Variants in PARP15 observed in about 807,000 individuals in gnomAD.
The protein encoded by PARP15 is poly(ADP-ribose) polymerase family member 15.
PARP15 carries 50 observed loss-of-function variants against 62.1 expected under a neutral mutation model. The ratio of observed to expected loss-of-function variants is 0.81; its 90% CI spans 0.64 to 1.02. PARP15 has a LOEUF of 1.02. Ranked by LOEUF, PARP15 falls within the 50% of genes least tolerant of loss-of-function variation. The probability of loss-of-function intolerance (pLI) is 0.00; values close to 1 mark genes in which losing one functional copy is unlikely to be tolerated. For synonymous variants in PARP15, 309 were observed against 293.1 expected, an observed-to-expected ratio of 1.05 and a Z score of -0.55; for missense variants, 820 against 826.5, an observed-to-expected ratio of 0.99 and a Z score of 0.10.
In PARP15 at chr3:122,627,024, A is replaced by G; in HGVS notation, c.1429A>G (p.Met477Val). Residue 477 changes from methionine (M) to valine (V), a missense_variant, in exon 9 of 12, where the codon ATG becomes GTG. Transcript: ENST00000464300. ...ACTGAACTTTCAGTCCACATTCTCC[A>G]TGACTACATGTAAGATGTTCACTTT... ...ASLNFQSTFS[M>V]TTCNLPEHWT... 6.2e-7 allele frequency: 1 copy of G among 1,608,186 alleles called. No homozygotes were observed. The highest frequency in any genetic ancestry group is 8.5e-7 in the Non-Finnish European group (1 of 1,175,838).
At chr3:122,585,721 G>C (rs1249256132) in intron 1 of PARP15, among the ~76,000 whole-genome samples, 1 of 152,128 alleles carries the variant, frequency 6.6e-6, no homozygotes, top group Non-Finnish European at 1.5e-5. Flanking sequence ...TCACCCTTTC[G>C]TCAATCATCT....
chr3:122,584,145 T>C (rs965765463), intron 1 of PARP15, among the ~76,000 whole-genome samples: 17 of 152,332 alleles, frequency 1.1e-4, no homozygotes, highest in East Asian at 9.6e-4. Flanking sequence ...AAAAATATTT[T>C]AGATATCTTT....
chr3:122,635,157 T>G lies in PARP15; in HGVS notation c.1710T>G (p.Asn570Lys). 2 of 1,613,980 alleles carry G rather than the reference T, an allele frequency of 1.2e-6. No homozygotes were observed. The highest frequency in any genetic ancestry group is 1.7e-6 in the Non-Finnish European group (2 of 1,179,950). ...ATGCAGACTCAGTGCCATATGTCAA[T>G]CAGCACGGCTTTAATAGAAGTTGTG... ...GTDADSVPYVNQHGFNRSCAG... is the reference protein window; with the variant it reads ...GTDADSVPYVKQHGFNRSCAG... Residue 570 changes from asparagine (N) to lysine (K), a missense_variant, in exon 11 of 12, where the codon AAT (asparagine) becomes AAG (lysine). Asn to Lys is a moderately conservative substitution (Grantham distance 94). Around this residue, in one of 3 missense-constraint regions of PARP15, gnomAD observed 731 missense variants for 727.7 expected, o/e 1.00. Coordinates refer to ENST00000464300, the MANE Select transcript of PARP15 (RefSeq NM_001113523.3).
chr3:122,605,510 G>A (rs1935100755), intron 1 of PARP15, among the ~76,000 whole-genome samples: 1 of 152,134 alleles, frequency 6.6e-6, no homozygotes, highest in Admixed American at 6.6e-5. Flanking sequence ...TTTAGTTGGA[G>A]AATTCTGTGA....
rs1293803372 is a variant in PARP15 at position 122,638,380 on chromosome 3, C to G, written c.*2280C>G. ...GATCCCCGAGGAATCGCCACACTGACTTCCACAATGGTTGAACTAGTTTAC... is the reference window on the plus strand; with the variant it reads ...GATCCCCGAGGAATCGCCACACTGAGTTCCACAATGGTTGAACTAGTTTAC... On this transcript the variant is annotated 3_prime_UTR_variant, in exon 12 of 12. Transcript: ENST00000464300. The G allele has an allele frequency of 2.0e-5, 3 of 152,192 alleles. No individual in the cohort carries two copies. The highest frequency in any genetic ancestry group is 4.4e-5 in the Non-Finnish European group (3 of 68,046). 9.4% of individuals were successfully genotyped at this position (152,192 alleles called of 1,614,324 possible). A position where few individuals can be genotyped will look rare whatever the true frequency, so the allele number is the denominator to read the frequency against.
At chr3:122,596,221 T>C (rs1934330473) in intron 1 of PARP15, among the ~76,000 whole-genome samples, 1 of 151,914 alleles carries the variant, frequency 6.6e-6, no homozygotes, top group Non-Finnish European at 1.5e-5. Flanking sequence ...CTGGCCGTAG[T>C]GGCATGTGCC....
chr3:122,578,680 A>G (rs1268883668), intron 1 of PARP15, among the ~76,000 whole-genome samples: 1 of 151,598 alleles, frequency 6.6e-6, no homozygotes, highest in Non-Finnish European at 1.5e-5. Context: ...CTATTTTCCT[A>G]GCTATTCTTG....
chr3:122,615,284 A>C (rs1441208166), intron 4 of PARP15: 1 of 1,289,206 alleles, frequency 7.8e-7, no homozygotes, highest in Non-Finnish European at 1.0e-6. Flanking sequence ...GTTTTCATTC[A>C]GGAGGCTTTG....
At chr3:122,605,854 T>C in intron 1 of PARP15, 82 bp from the exon 2 acceptor site, 1 of 1,434,944 alleles carries the variant, frequency 7.0e-7, no homozygotes, top group Non-Finnish European at 9.4e-7. Flanking sequence ...GTGCTGAGAT[T>C]ACAGACCTGA....
In PARP15 at chr3:122,635,130, A is replaced by G; in HGVS notation, c.1683A>G (p.Thr561=). Residue 561 remains threonine (T), a synonymous_variant, in exon 11 of 12, where the codon ACA becomes ACG. Transcript: ENST00000464300. ...KNNERLLFHG[T]DADSVPYVNQ... Reference sequence around the variant, plus strand: ...ATGAGAGACTCCTCTTCCATGGGACAGATGCAGACTCAGTGCCATATGTCA... The same window carrying G: ...ATGAGAGACTCCTCTTCCATGGGACGGATGCAGACTCAGTGCCATATGTCA... 1 of 1,614,096 alleles carries G rather than the reference A, an allele frequency of 6.2e-7. No homozygotes were observed. The highest frequency in any genetic ancestry group is 8.5e-7 in the Non-Finnish European group (1 of 1,179,958).
rs187373950 is a variant in PARP15 at position 122,636,253 on chromosome 3, G to A, written c.*153G>A. 4.3e-4 allele frequency: 302 copies of A among 701,680 alleles called. 1 individual carries two copies. In the African/African-American group the frequency reaches 4.7e-3, roughly 11 times the overall value. The allele number at this position is 701,680 out of a possible 1,614,324, so 43.5% of individuals were successfully genotyped here. A position where few individuals can be genotyped will look rare whatever the true frequency, so the allele number is the denominator to read the frequency against. On this transcript the variant is annotated 3_prime_UTR_variant, in exon 12 of 12. Coordinates refer to ENST00000464300, the MANE Select transcript of PARP15 (RefSeq NM_001113523.3). ...CCTTTTTAAAGTGCTCTATTGCTGCGATTTGTAGCATACCTTTTTTTCTCA... is the reference window on the plus strand; with the variant it reads ...CCTTTTTAAAGTGCTCTATTGCTGCAATTTGTAGCATACCTTTTTTTCTCA...
chr3:122,589,785 T>G (rs1225904530), intron 1 of PARP15, among the ~76,000 whole-genome samples: 2 of 152,210 alleles, frequency 1.3e-5, no homozygotes, highest in Non-Finnish European at 2.9e-5. Flanking sequence ...TCTTATTGGC[T>G]ATATGATTTG....
intron 1 of PARP15, among the ~76,000 whole-genome samples, chr3:122,588,607 A>C (rs974267561): frequency 3.3e-5 from 5 of 152,126 alleles, no homozygotes; most frequent in African/African-American, 4.8e-5. Context: ...GCAGTGAACC[A>C]TGATTGCGCC....
intron 9 of PARP15, among the ~76,000 whole-genome samples, chr3:122,630,331 GA>G (rs1355877080): frequency 3.9e-5 from 6 of 152,252 alleles, no homozygotes; most frequent in Admixed American, 3.3e-4. Context: ...TTAAGGGTGT[GA>G]TTTAAATGTC....
At chr3:122,632,579 C>A (rs1392653647) in intron 10 of PARP15, among the ~76,000 whole-genome samples, 1 of 152,232 alleles carries the variant, frequency 6.6e-6, no homozygotes, top group East Asian at 1.9e-4. Flanking sequence ...GTTGCTCCAA[C>A]TTTGCTGTCC....
chr3:122,625,610 C>T (rs1195187753), intron 8 of PARP15, among the ~76,000 whole-genome samples: 38 of 152,176 alleles, frequency 2.5e-4, no homozygotes, highest in Admixed American at 2.5e-3. Context: ...GGGCCCCAAA[C>T]TAATATGACT....
chr3:122,616,379 G>A (rs967170884), intron 5 of PARP15, among the ~76,000 whole-genome samples: 13 of 149,774 alleles, frequency 8.7e-5, no homozygotes, highest in Admixed American at 2.7e-4. Context: ...ACCCAGGATG[G>A]AGTGCAGTGG....
chr3:122,606,673 G>A (rs1271788595), intron 2 of PARP15, among the ~76,000 whole-genome samples: 1 of 152,078 alleles, frequency 6.6e-6, no homozygotes, highest in African/African-American at 2.4e-5. Flanking sequence ...TTAAAAATAC[G>A]GACTCCCAGG....
intron 2 of PARP15, among the ~76,000 whole-genome samples, chr3:122,609,546 A>G (rs1009431110): frequency 1.3e-5 from 2 of 151,976 alleles, no homozygotes; most frequent in Non-Finnish European, 2.9e-5. Flanking sequence ...AATAATACAA[A>G]TATTAGCCAG....
Sources: allele counts gnomAD v4.1 joint callset (sites outside exome capture counted in the v4.1 genomes callset), GRCh38; gene constraint gnomAD v4.1.1; regional missense constraint gnomAD v4.1.1; transcripts MANE v1.5; gene names NCBI Gene and HGNC (gene_info 2026-07-23, HGNC 2026-07-21).